Variants in AUTS2 observed in about 807,000 individuals in gnomAD.
The protein encoded by AUTS2 is activator of transcription and developmental regulator AUTS2.
Under a neutral mutation model 112.4 loss-of-function variants are expected in AUTS2, and 17 were observed. The ratio of observed to expected loss-of-function variants is 0.15; its 90% CI spans 0.10 to 0.23. AUTS2 has a LOEUF of 0.23. AUTS2 is among the 10% of genes least tolerant of loss of function. The pLI, the probability that AUTS2 is intolerant of heterozygous loss-of-function variation, is 1.00. For synonymous variants in AUTS2, 751 were observed against 702.7 expected, an observed-to-expected ratio of 1.07 and a Z score of -1.09; for missense variants, 1,510 against 1,701.6, an observed-to-expected ratio of 0.89 and a Z score of 1.98.
intron 2 of AUTS2, among the ~76,000 whole-genome samples, chr7:70,102,686 G>A (rs954744941): frequency 6.6e-6 from 1 of 151,990 alleles, no homozygotes; most frequent in Admixed American, 6.6e-5. Flanking sequence ...AAGTCAGACA[G>A]CAATTTCATG....
intron 2 of AUTS2, among the ~76,000 whole-genome samples, chr7:70,013,701 C>T (rs762065848): frequency 2.6e-5 from 4 of 152,050 alleles, no homozygotes; most frequent in Admixed American, 2.0e-4. Flanking sequence ...TCCTCTCTAC[C>T]GTTACTTATT....
chr7:69,873,788 G>A (rs1793606878), intron 1 of AUTS2, among the ~76,000 whole-genome samples: 1 of 152,108 alleles, frequency 6.6e-6, no homozygotes, highest in Admixed American at 6.5e-5. Flanking sequence ...TCACAGAATA[G>A]CTGGAATTAC....
In AUTS2 at chr7:70,757,154, G is replaced by T. The variant is rs530899876; in HGVS notation, c.743-5716G>T. Among the ~76,000 whole-genome samples, 14 of 152,286 alleles carry T rather than the reference G, an allele frequency of 9.2e-5. No individual in the cohort carries two copies. The South Asian group carries it at 2.9e-3, about 32-fold the overall frequency. ...AAAACACTTTGAAAAAAGCAATTTT[G>T]TGGGGGAAGCCATTTCTGAAGGTTT... On this transcript the variant is annotated intron_variant, in intron 6 of 18. Coordinates refer to ENST00000342771, the MANE Select transcript of AUTS2 (RefSeq NM_015570.4).
intron 1 of AUTS2, among the ~76,000 whole-genome samples, chr7:69,871,671 C>T (rs183481384): frequency 1.1e-3 from 168 of 152,258 alleles, no homozygotes; most frequent in Admixed American, 6.2e-3. Context: ...TGATCTGAGA[C>T]GGCTACTAAG....
chr7:70,764,397 G>A (rs564224219), intron 7 of AUTS2, among the ~76,000 whole-genome samples: 3 of 152,284 alleles, frequency 2.0e-5, no homozygotes, highest in Non-Finnish European at 4.4e-5. Context: ...TTGCTTTATA[G>A]GAGATGTAGC....
At chr7:70,152,661 A>G (rs545709786) in intron 4 of AUTS2, among the ~76,000 whole-genome samples, 7 of 152,338 alleles carry the variant, frequency 4.6e-5, no homozygotes, top group African/African-American at 1.7e-4. Context: ...GCATTAAGAA[A>G]TCAAAAAGCC....
intron 2 of AUTS2, among the ~76,000 whole-genome samples, chr7:70,067,725 G>A (rs1212166170): frequency 1.3e-5 from 2 of 152,036 alleles, no homozygotes; most frequent in African/African-American, 4.8e-5. Flanking sequence ...GGTGGCACAT[G>A]CCTGTGGTCC....
chr7:69,902,608 A>G (rs1488431687), intron 2 of AUTS2, among the ~76,000 whole-genome samples: 1 of 152,156 alleles, frequency 6.6e-6, no homozygotes, highest in Non-Finnish European at 1.5e-5. Flanking sequence ...TTATGGGAAG[A>G]TGTTACTCCT....
At chr7:70,479,736 G>A (rs976966478) in intron 5 of AUTS2, among the ~76,000 whole-genome samples, 2 of 152,130 alleles carry the variant, frequency 1.3e-5, no homozygotes, top group African/African-American at 4.8e-5. Context: ...TATATCAGAT[G>A]TGGAAGGGAA....
chr7:70,390,236 C>T (rs1018518969), intron 4 of AUTS2, among the ~76,000 whole-genome samples: 1 of 152,124 alleles, frequency 6.6e-6, no homozygotes, highest in Non-Finnish European at 1.5e-5. Context: ...GACATGCATC[C>T]GAATCCTCTG....
intron 4 of AUTS2, among the ~76,000 whole-genome samples, chr7:70,192,600 TG>T (rs1185463082): frequency 6.6e-6 from 1 of 152,204 alleles, no homozygotes; most frequent in Non-Finnish European, 1.5e-5. Flanking sequence ...CAGTCCATCA[TG>T]CTTGCAGAGA....
intron 5 of AUTS2, among the ~76,000 whole-genome samples, chr7:70,458,150 G>A (rs1196763819): frequency 1.3e-5 from 2 of 152,164 alleles, no homozygotes; most frequent in Non-Finnish European, 1.5e-5. Context: ...GAGCAGTGGG[G>A]GCCCTGGCAG....
chr7:69,950,283 T>C (rs1299684689), intron 2 of AUTS2, among the ~76,000 whole-genome samples: 1 of 152,130 alleles, frequency 6.6e-6, no homozygotes, highest in Non-Finnish European at 1.5e-5. Flanking sequence ...AATCAGACTT[T>C]CAAAGCTAAA....
intron 4 of AUTS2, among the ~76,000 whole-genome samples, chr7:70,388,669 A>G (rs1378882312): frequency 6.6e-6 from 1 of 152,148 alleles, no homozygotes; most frequent in Non-Finnish European, 1.5e-5. Flanking sequence ...GACCCTCTCT[A>G]TACTTATTTT....
At chr7:69,765,818 G>T (rs186632778) in intron 1 of AUTS2, among the ~76,000 whole-genome samples, 1 of 152,000 alleles carries the variant, frequency 6.6e-6, no homozygotes, top group Non-Finnish European at 1.5e-5. Flanking sequence ...ATGGTGGCAC[G>T]TGCCTGTAGT....
intron 4 of AUTS2, among the ~76,000 whole-genome samples, chr7:70,205,380 A>G (rs767497826): frequency 6.6e-6 from 1 of 152,182 alleles, no homozygotes; most frequent in Non-Finnish European, 1.5e-5. Flanking sequence ...AACTTATGAA[A>G]CTGAGGTCAG....
intron 1 of AUTS2, among the ~76,000 whole-genome samples, chr7:69,886,028 G>A (rs1249153444): frequency 1.3e-5 from 2 of 152,178 alleles, no homozygotes; most frequent in Admixed American, 1.3e-4. Context: ...CTGAATTGAT[G>A]AATTCTAAGT....
chr7:69,848,340 T>G (rs1177809990), intron 1 of AUTS2, among the ~76,000 whole-genome samples: 1 of 152,244 alleles, frequency 6.6e-6, no homozygotes, highest in Non-Finnish European at 1.5e-5. Flanking sequence ...TTTTAATAAA[T>G]CAGCCGCAGC....
chr7:70,704,469 T>C (rs1429718506), intron 6 of AUTS2, among the ~76,000 whole-genome samples: 1 of 152,260 alleles, frequency 6.6e-6, no homozygotes, highest in African/African-American at 2.4e-5. Flanking sequence ...GGGCGATTAC[T>C]GCTGTCCTTT....
Sources: gnomAD v4.1 joint callset for allele counts (sites outside exome capture counted in the v4.1 genomes callset) on GRCh38, gnomAD v4.1.1 for gene constraint, MANE v1.5 for transcripts, NCBI Gene and HGNC (gene_info 2026-07-23, HGNC 2026-07-21) for gene names.